The following RASSF9 variants were observed in gnomAD, a reference collection of about 807,000 sequenced individuals.
RASSF9 encodes Ras association domain family member 9.
In RASSF9, 18 loss-of-function variants were observed where a neutral mutation model predicts 21.4. The ratio of observed to expected loss-of-function variants is 0.84; its 90% CI spans 0.58 to 1.25. RASSF9 has a LOEUF of 1.25. RASSF9 is among the 50% of genes most tolerant of loss of function. RASSF9 has a pLI of 0.00. For synonymous variants in RASSF9, 183 were observed against 179.1 expected, an observed-to-expected ratio of 1.02 and a Z score of -0.18; for missense variants, 480 against 503.2, an observed-to-expected ratio of 0.95 and a Z score of 0.44.
intron 1 of RASSF9, among the ~76,000 whole-genome samples, chr12:85,829,600 C>T (rs1235746671): frequency 6.6e-6 from 1 of 152,052 alleles, no homozygotes; most frequent in African/African-American, 2.4e-5. Flanking sequence ...GATTCAGCCC[C>T]CTCCTACATA....
intron 1 of RASSF9, among the ~76,000 whole-genome samples, chr12:85,821,373 A>G (rs766870196): frequency 5.9e-5 from 9 of 152,162 alleles, no homozygotes; most frequent in Non-Finnish European, 1.2e-4. Flanking sequence ...TAGAGCTGCA[A>G]TCTTAGGGAG....
At chr12:85,823,739 A>G (rs774544410) in intron 1 of RASSF9, among the ~76,000 whole-genome samples, 1 of 152,190 alleles carries the variant, frequency 6.6e-6, no homozygotes, top group African/African-American at 2.4e-5. Flanking sequence ...CAAAGATTAC[A>G]TGGAGAGAAA....
rs1879759004 is a variant in RASSF9 at position 85,804,072 on chromosome 12, G to A, written c.*630C>T. 1 of 152,156 alleles carries A rather than the reference G, an allele frequency of 6.6e-6. No homozygotes were observed. The allele number at this position is 152,156 out of a possible 1,614,324, so 9.4% of individuals were successfully genotyped here. A position where few individuals can be genotyped will look rare whatever the true frequency, so the allele number is the denominator to read the frequency against. ...AAATTGCTGTTTGTATGCAGCACTT[G>A]GCCCTGCCTCATCTGTACCCTATAC... On this transcript the variant is annotated 3_prime_UTR_variant, in exon 2 of 2. Coordinates refer to ENST00000361228, the MANE Select transcript of RASSF9 (RefSeq NM_005447.4).
At chr12:85,833,817 A>G (rs1369916460) in intron 1 of RASSF9, among the ~76,000 whole-genome samples, 1 of 152,042 alleles carries the variant, frequency 6.6e-6, no homozygotes, top group African/African-American at 2.4e-5. Flanking sequence ...AATAAATTTT[A>G]TATGTCTGTA....
At position 85,801,517 on chromosome 12, in the gene RASSF9, A is replaced by G. The variant is rs1592524180; in HGVS notation, c.*3185T>C. ...AACAAGACAGATGATAAAGTAATTT[A>G]ATAAGAATTCATTGGTCGGGCACGG... On this transcript the variant is annotated 3_prime_UTR_variant, in exon 2 of 2. Coordinates refer to ENST00000361228, the MANE Select transcript of RASSF9 (RefSeq NM_005447.4). 6.6e-6 allele frequency: 1 copy of G among 152,252 alleles called. No homozygotes were observed. Among genetic ancestry groups the G allele is most frequent in the African/African-American group, 2.4e-5 (1 of 41,446 alleles). 9.4% of individuals were successfully genotyped at this position (152,252 alleles called of 1,614,324 possible). A position where few individuals can be genotyped will look rare whatever the true frequency, so the allele number is the denominator to read the frequency against.
Position 85,836,292 on chromosome 12 carries a change from G to A in RASSF9, c.-91C>T. ...TGGATTTCCAGGGTGAAGGGAGGAGGGCTGGAAGCTTTCTCTTCTCCTCGG... is the reference window on the plus strand; with the variant it reads ...TGGATTTCCAGGGTGAAGGGAGGAGAGCTGGAAGCTTTCTCTTCTCCTCGG... On this transcript the variant is annotated 5_prime_UTR_variant, in exon 1 of 2. Transcript: ENST00000361228. The A allele has an allele frequency of 6.6e-7, 1 of 1,522,282 alleles. No individual in the cohort carries two copies. The highest frequency in any genetic ancestry group is 8.9e-7 in the Non-Finnish European group (1 of 1,125,670). The allele number at this position is 1,522,282 out of a possible 1,614,324, so 94.3% of individuals were successfully genotyped here. A position where few individuals can be genotyped will look rare whatever the true frequency, so the allele number is the denominator to read the frequency against.
intron 1 of RASSF9, among the ~76,000 whole-genome samples, chr12:85,814,237 G>A (rs1880013881): frequency 6.6e-6 from 1 of 152,012 alleles, no homozygotes; most frequent in African/African-American, 2.4e-5. Flanking sequence ...TATCTCAGTG[G>A]TTCCCTACCA....
intron 1 of RASSF9, 145 bp downstream of exon 1, chr12:85,836,010 T>A: frequency 6.7e-7 from 1 of 1,497,882 alleles, no homozygotes. Context: ...CTCCTTAGGC[T>A]AGGACTGTGT....
intron 1 of RASSF9, among the ~76,000 whole-genome samples, chr12:85,824,662 A>T (rs1880291571): frequency 6.6e-6 from 1 of 152,132 alleles, no homozygotes; most frequent in Non-Finnish European, 1.5e-5. Context: ...TGCTTCCATA[A>T]TCTGACTCCT....
rs902642271 is a variant in RASSF9, at chr12:85,801,313, A to T, written c.*3389T>A. The T allele has an allele frequency of 1.3e-5, 2 of 152,188 alleles. No individual in the cohort carries two copies. Among genetic ancestry groups the T allele is most frequent in the African/African-American group, 4.8e-5 (2 of 41,460 alleles). 9.4% of individuals were successfully genotyped at this position (152,188 alleles called of 1,614,324 possible). ...TTTCCCAAAATGTATAAGGTCAATT[A>T]CTGTTAATGTTTTAAGTCTGCTAAA... On this transcript the variant is annotated 3_prime_UTR_variant, in exon 2 of 2. Coordinates refer to ENST00000361228, the MANE Select transcript of RASSF9 (RefSeq NM_005447.4).
At position 85,805,419 on chromosome 12, in the gene RASSF9, A is replaced by G; in HGVS notation, c.591T>C (p.Ile197=). 1 of 1,613,860 alleles carries G rather than the reference A, an allele frequency of 6.2e-7. No individual in the cohort carries two copies. The change falls in exon 2 of 2, where the codon ATT becomes ATC. Residue 197 remains isoleucine (I), a synonymous_variant. Transcript: ENST00000361228. ...VHLIISQDHT[I]HQQVKRMKEL... ...CTTTCATTCTCTTGACTTGCTGATG[A>G]ATAGTATGGTCCTGGGAAATGATCA...
intron 1 of RASSF9, among the ~76,000 whole-genome samples, chr12:85,823,264 G>A (rs1332938973): frequency 6.6e-6 from 1 of 151,690 alleles, no homozygotes; most frequent in Non-Finnish European, 1.5e-5. Context: ...TTCTTCTTAG[G>A]GTTATCAGAA....
At chr12:85,819,858 C>T (rs1428712051) in intron 1 of RASSF9, among the ~76,000 whole-genome samples, 1 of 152,092 alleles carries the variant, frequency 6.6e-6, no homozygotes, top group East Asian at 1.9e-4. Context: ...ATAATTAGTA[C>T]CTTGTCTAGA....
At chr12:85,834,457 G>T (rs952390785) in intron 1 of RASSF9, among the ~76,000 whole-genome samples, 1 of 152,008 alleles carries the variant, frequency 6.6e-6, no homozygotes, top group Non-Finnish European at 1.5e-5. Context: ...AGTTTTATAG[G>T]TAGAGTAGAT....
At chr12:85,811,174 T>C (rs1280433753) in intron 1 of RASSF9, among the ~76,000 whole-genome samples, 2 of 151,900 alleles carry the variant, frequency 1.3e-5, no homozygotes, top group Non-Finnish European at 2.9e-5. Context: ...TTAGGTAAGG[T>C]ATAATTTTGC....
chr12:85,802,059 A>G lies in RASSF9; in HGVS notation c.*2643T>C, dbSNP rs1321032982. 1.3e-5 allele frequency: 2 copies of G among 152,210 alleles called. No individual in the cohort carries two copies. The highest frequency in any genetic ancestry group is 2.4e-5 in the African/African-American group (1 of 41,452). 9.4% of individuals were successfully genotyped at this position (152,210 alleles called of 1,614,324 possible). ...CAGAAGGATAAAAAGGAGAATTCCAAGTGGAAGGATGACCAAGGATGAATC... is the reference window on the plus strand; with the variant it reads ...CAGAAGGATAAAAAGGAGAATTCCAGGTGGAAGGATGACCAAGGATGAATC... On this transcript the variant is annotated 3_prime_UTR_variant, in exon 2 of 2. Coordinates refer to ENST00000361228, the MANE Select transcript of RASSF9 (RefSeq NM_005447.4).
At chr12:85,820,000 T>A (rs1880171074) in intron 1 of RASSF9, among the ~76,000 whole-genome samples, 1 of 152,234 alleles carries the variant, frequency 6.6e-6, no homozygotes, top group Non-Finnish European at 1.5e-5. Context: ...GATAAGTCAA[T>A]GTTTTGATGT....
chr12:85,822,805 C>T (rs1225684208), intron 1 of RASSF9, among the ~76,000 whole-genome samples: 3 of 152,094 alleles, frequency 2.0e-5, no homozygotes, highest in Admixed American at 6.6e-5. Flanking sequence ...TTCGCTTGAC[C>T]ACATATTCCC....
chr12:85,802,768 A>G lies in RASSF9; in HGVS notation c.*1934T>C, dbSNP rs912472119. ...GTTTATCATTTACGATGATCTTCTG[A>G]ATTTGATCCCCATTAGTGAACAATG... On this transcript the variant is annotated 3_prime_UTR_variant, in exon 2 of 2. Coordinates refer to ENST00000361228, the MANE Select transcript of RASSF9 (RefSeq NM_005447.4). 4 of 152,156 alleles carry G rather than the reference A, an allele frequency of 2.6e-5. No homozygotes were observed. Among genetic ancestry groups the G allele is most frequent in the Non-Finnish European group, 5.9e-5 (4 of 68,008 alleles). The allele number at this position is 152,156 out of a possible 1,614,324, so 9.4% of individuals were successfully genotyped here. A position where few individuals can be genotyped will look rare whatever the true frequency, so the allele number is the denominator to read the frequency against.
Sources: allele counts gnomAD v4.1 joint callset (sites outside exome capture counted in the v4.1 genomes callset), GRCh38; gene constraint gnomAD v4.1.1; transcripts MANE v1.5; gene names NCBI Gene and HGNC (gene_info 2026-07-23, HGNC 2026-07-21).